The following PAQR7 variants were observed in gnomAD, a reference collection of about 807,000 sequenced individuals.
PAQR7 encodes membrane progestin receptor alpha.
PAQR7 carries 14 observed loss-of-function variants against 24.6 expected under a neutral mutation model. The ratio of observed to expected loss-of-function variants is 0.57; its 90% CI spans 0.38 to 0.89. PAQR7 has a LOEUF of 0.89. Among genes scored for constraint, PAQR7 ranks in the 40% least tolerant of loss-of-function variants. PAQR7 has a pLI of 0.00. For synonymous variants in PAQR7, 189 were observed against 198.8 expected (o/e 0.95, Z 0.42); for missense variants, 351 against 444.0 (o/e 0.79, Z 1.88).
chr1:25,862,678 GCA>G lies in PAQR7; in HGVS notation c.*119_*120del, dbSNP rs144767162. Reference sequence around the variant, plus strand: ...GTGATGCCCTTGGCAGTTGAGTCGTGCACAGAGAGTCACTGTGGGCCAGACAC... The same window carrying G: ...GTGATGCCCTTGGCAGTTGAGTCGTGCAGAGAGTCACTGTGGGCCAGACAC... On this transcript the variant is annotated 3_prime_UTR_variant, in exon 3 of 3. Coordinates refer to ENST00000675840, the MANE Select transcript of PAQR7 (RefSeq NM_178422.6). The G allele has an allele frequency of 0.011, 12,557 of 1,093,510 alleles. 75 individuals carry two copies. The highest frequency in any genetic ancestry group is 0.013 in the Non-Finnish European group (10,091 of 762,060). The allele number at this position is 1,093,510 out of a possible 1,614,324, so 67.7% of individuals were successfully genotyped here.
At position 25,867,255 on chromosome 1, in the gene PAQR7, C is replaced by T. The variant is rs61775031; in HGVS notation, c.-23+3354G>A. On this transcript the variant is annotated intron_variant, in intron 2 of 2. Coordinates refer to ENST00000675840, the MANE Select transcript of PAQR7 (RefSeq NM_178422.6). ...CTCACTTTGTTGCCCAGGCTGGTCT[C>T]GAACTCCTGGCCTCAAGCGACCCTC... 7.2e-3 allele frequency among the ~76,000 whole-genome samples: 1,098 copies of T among 152,140 alleles called. 6 individuals carry two copies. Among genetic ancestry groups the T allele is most frequent in the Middle Eastern group, 0.024 (7 of 294 alleles).
intron 1 of PAQR7, among the ~76,000 whole-genome samples, chr1:25,874,539 G>C (rs947246832): frequency 5.3e-5 from 8 of 152,116 alleles, no homozygotes; most frequent in Non-Finnish European, 1.0e-4. Flanking sequence ...GGCTGGAGAG[G>C]GGCAGCCTCT....
chr1:25,869,435 G>A (rs1413659301), intron 2 of PAQR7, among the ~76,000 whole-genome samples: 2 of 152,082 alleles, frequency 1.3e-5, no homozygotes, highest in Non-Finnish European at 2.9e-5. Context: ...AGCCGGGCAT[G>A]GTGGTGCATG....
At position 25,863,518 on chromosome 1, in the gene PAQR7, A is replaced by G. The variant is rs756537005; in HGVS notation, c.322T>C (p.Phe108Leu). ...GTGAAAGAGGCAAGGACAATGATGA[A>G]GAGGGGCAGGGCGTGTGGGTCTCCC... Reference protein sequence around the residue: ...FWGDPHALPLFIIVLASFTYL... With the variant: ...FWGDPHALPLLIIVLASFTYL... The change falls in exon 3 of 3, where the codon TTC becomes CTC. Residue 108 changes from phenylalanine to leucine, a missense_variant. Coordinates refer to ENST00000675840, the MANE Select transcript of PAQR7 (RefSeq NM_178422.6). The surrounding 1 kb of genome is among the most constrained non-coding windows in gnomAD (Gnocchi z 6.1). The G allele has an allele frequency of 5.6e-6, 9 of 1,614,072 alleles. No homozygotes were observed. The highest frequency in any genetic ancestry group is 1.7e-5 in the Admixed American group (1 of 60,000).
chr1:25,865,289 C>A (rs898996900), intron 2 of PAQR7, among the ~76,000 whole-genome samples: 2 of 152,170 alleles, frequency 1.3e-5, no homozygotes, highest in Admixed American at 1.3e-4. Context: ...CATGATTGTT[C>A]ATGTGAGCTC....
intron 1 of PAQR7, among the ~76,000 whole-genome samples, chr1:25,872,916 CCTT>C (rs1251666582): frequency 6.6e-6 from 1 of 152,206 alleles, no homozygotes; most frequent in Non-Finnish European, 1.5e-5. Context: ...TCTTTTGCCT[CCTT>C]CTTGGCATGC....
Position 25,861,713 on chromosome 1 carries a change from CTGA to C in PAQR7, c.*1083_*1085del, listed in dbSNP as rs2048512107. On this transcript the variant is annotated 3_prime_UTR_variant, in exon 3 of 3. Transcript: ENST00000675840. ...CCAGCACCTCCCTTGACAGTTCATT[CTGA>C]TATCAAAGCCTTTGTCGGCCAGGCG... 6.6e-6 allele frequency: 1 copy of C among 152,518 alleles called. No individual in the cohort carries two copies. The highest frequency in any genetic ancestry group is 2.4e-5 in the African/African-American group (1 of 41,428). The allele number at this position is 152,518 out of a possible 1,614,324, so 9.4% of individuals were successfully genotyped here. A position where few individuals can be genotyped will look rare whatever the true frequency, so the allele number is the denominator to read the frequency against.
rs530907674 is a variant in PAQR7, at chr1:25,861,742, C to A, written c.*1057G>T. 3 of 152,880 alleles carry A rather than the reference C, an allele frequency of 2.0e-5. No homozygotes were observed. The highest frequency in any genetic ancestry group is 7.2e-5 in the African/African-American group (3 of 41,566). 9.5% of individuals were successfully genotyped at this position (152,880 alleles called of 1,614,324 possible). A position where few individuals can be genotyped will look rare whatever the true frequency, so the allele number is the denominator to read the frequency against. ...TATCAAAGCCTTTGTCGGCCAGGCG[C>A]AGTGGCTCATGCCGGTAATCCCAGC... On this transcript the variant is annotated 3_prime_UTR_variant, in exon 3 of 3. Transcript: ENST00000675840.
Position 25,863,286 on chromosome 1 carries a change from GA to G in PAQR7, c.553del (p.Ser185ProfsTer149). Reference sequence around the variant, plus strand: ...CTTGTTATAGCAGGAGCCAATGCAGGAAAGCCAGGCGAGAAAGGCAGCCATG... The same window carrying G: ...CTTGTTATAGCAGGAGCCAATGCAGGAAGCCAGGCGAGAAAGGCAGCCATG... The part of the protein sequence containing the change: ...LPMAAFLAWL[S>X]CIGSCYNKYI... On this transcript the variant is annotated frameshift_variant, in exon 3 of 3. Coordinates refer to ENST00000675840, the MANE Select transcript of PAQR7 (RefSeq NM_178422.6). LOFTEE classifies it high-confidence loss of function. The surrounding 1 kb of genome is among the most constrained non-coding windows in gnomAD (Gnocchi z 6.1). 6.2e-7 allele frequency: 1 copy of G among 1,614,244 alleles called. No homozygotes were observed. Among genetic ancestry groups the G allele is most frequent in the South Asian group, 1.1e-5 (1 of 91,092 alleles).
At chr1:25,869,631 G>T (rs1043376816) in intron 2 of PAQR7, among the ~76,000 whole-genome samples, 12 of 152,038 alleles carry the variant, frequency 7.9e-5, no homozygotes, top group Admixed American at 7.9e-4. Context: ...GTTGGAGGAT[G>T]GGGGAGGGAG....
rs937285959 is a variant in PAQR7, at chr1:25,875,285, G to A, written c.-109+203C>T. On this transcript the variant is annotated intron_variant, in intron 1 of 2. Coordinates refer to ENST00000675840, the MANE Select transcript of PAQR7 (RefSeq NM_178422.6). This position sits in a 1 kb window ranked among gnomAD's most constrained non-coding sequence, Gnocchi z 5.4. ...TGCGCCCTCCGCTGGCTGCTTCCCC[G>A]GGCGGGCGTCCTCTCACTTAGCCCA... Among the ~76,000 whole-genome samples the A allele has an allele frequency of 6.6e-5, 10 of 152,270 alleles. No individual in the cohort carries two copies. The highest frequency in any genetic ancestry group is 5.8e-4 in the East Asian group (3 of 5,170).
intron 2 of PAQR7, among the ~76,000 whole-genome samples, 182 bp downstream of exon 2, chr1:25,870,427 G>T (rs774884083): frequency 6.6e-6 from 1 of 152,118 alleles, no homozygotes; most frequent in Non-Finnish European, 1.5e-5. Context: ...TGTCACCAGA[G>T]GGTGGGGCTA....
chr1:25,867,759 A>AAG (rs2048569100), intron 2 of PAQR7, among the ~76,000 whole-genome samples: 1 of 152,162 alleles, frequency 6.6e-6, no homozygotes, highest in Admixed American at 6.5e-5. Flanking sequence ...CACCCCCACA[A>AAG]GCCCACATCT....
rs2124527265 is a variant in PAQR7, at chr1:25,863,917, G to C, written c.-22-56C>G. On this transcript the variant is annotated intron_variant, in intron 2 of 2. Transcript: ENST00000675840. The surrounding 1 kb of genome is among the most constrained non-coding windows in gnomAD (Gnocchi z 6.1). ...CCTGGTGTCCTCACCCCCACGAGCA[G>C]CAGCTGGGGGGCTCTGATGCCCAAA... The C allele has an allele frequency of 7.3e-7, 1 of 1,371,536 alleles. No homozygotes were observed. The highest frequency in any genetic ancestry group is 1.5e-5 in the African/African-American group (1 of 68,932). The allele number at this position is 1,371,536 out of a possible 1,614,324, so 85.0% of individuals were successfully genotyped here. A position where few individuals can be genotyped will look rare whatever the true frequency, so the allele number is the denominator to read the frequency against.
At chr1:25,874,815 T>C (rs923253713) in intron 1 of PAQR7, among the ~76,000 whole-genome samples, 1 of 152,268 alleles carries the variant, frequency 6.6e-6, no homozygotes, top group East Asian at 1.9e-4. Context: ...TCACTGTGTG[T>C]GGGGGACCCC....
chr1:25,870,251 C>A (rs2048592148), intron 2 of PAQR7, among the ~76,000 whole-genome samples: 1 of 152,182 alleles, frequency 6.6e-6, no homozygotes, highest in Non-Finnish European at 1.5e-5. Context: ...CCTCCATGGG[C>A]CCCTCCAAGT....
Position 25,872,150 on chromosome 1 carries a change from T to C in PAQR7, c.-108-1456A>G, listed in dbSNP as rs1416233389. Among the ~76,000 whole-genome samples the C allele has an allele frequency of 2.6e-5, 4 of 152,306 alleles. No homozygotes were observed. In the East Asian group the frequency reaches 7.7e-4, roughly 29 times the overall value. ...TCCTTTTGGAATCAGAGGATTAAAA[T>C]AGCTGCCTCTTGGGCTCTTGTGGAA... On this transcript the variant is annotated intron_variant, in intron 1 of 2. Transcript: ENST00000675840.
In PAQR7 at chr1:25,874,875, G is replaced by A. The variant is rs536239316; in HGVS notation, c.-109+613C>T. Among the ~76,000 whole-genome samples the A allele has an allele frequency of 3.3e-5, 5 of 152,274 alleles. No homozygotes were observed. The East Asian group carries it at 9.7e-4, about 29-fold the overall frequency. On this transcript the variant is annotated intron_variant, in intron 1 of 2. Coordinates refer to ENST00000675840, the MANE Select transcript of PAQR7 (RefSeq NM_178422.6). Reference sequence around the variant, plus strand: ...GCTCCCTCATCCCCCAAGGTGTCTAGACTGCTTGGGCCCATGGAGCAAGTG... The same window carrying A: ...GCTCCCTCATCCCCCAAGGTGTCTAAACTGCTTGGGCCCATGGAGCAAGTG...
In PAQR7 at chr1:25,862,579, G is replaced by C; in HGVS notation, c.*220C>G. 1 of 567,974 alleles carries C rather than the reference G, an allele frequency of 1.8e-6. No individual in the cohort carries two copies. The highest frequency in any genetic ancestry group is 3.1e-6 in the Non-Finnish European group (1 of 323,712). 35.2% of individuals were successfully genotyped at this position (567,974 alleles called of 1,614,324 possible). On this transcript the variant is annotated 3_prime_UTR_variant, in exon 3 of 3. Transcript: ENST00000675840. Reference sequence around the variant, plus strand: ...ACCGTTAACTCTTTCCCTCTCCCTGGGCAAGGAGCTGGGGCAGGCCCAGGA... The same window carrying C: ...ACCGTTAACTCTTTCCCTCTCCCTGCGCAAGGAGCTGGGGCAGGCCCAGGA...
Sources: allele counts gnomAD v4.1 joint callset (sites outside exome capture counted in the v4.1 genomes callset), GRCh38; gene constraint gnomAD v4.1.1; non-coding constraint Gnocchi (gnomAD v3.1); transcripts MANE v1.5; gene names NCBI Gene and HGNC (gene_info 2026-07-23, HGNC 2026-07-21).